Variants in ADCY1 observed in about 807,000 individuals in gnomAD.
The protein encoded by ADCY1 is adenylate cyclase type 1.
In ADCY1, 28 loss-of-function variants were observed where a neutral mutation model predicts 105.4. That is an observed-to-expected ratio of 0.27 (90% CI 0.20 to 0.36). ADCY1 has a LOEUF of 0.36. Ranked by LOEUF, ADCY1 falls within the 10% of genes least tolerant of loss-of-function variation. The probability of loss-of-function intolerance (pLI) is 1.00; values close to 1 mark genes in which losing one functional copy is unlikely to be tolerated. For missense variants in ADCY1, 977 were observed against 1,434.2 expected, an observed-to-expected ratio of 0.68 and a Z score of 5.15; for synonymous variants, 655 against 623.8, an observed-to-expected ratio of 1.05 and a Z score of -0.75.
chr7:45,656,136 A>T (rs959406674), intron 5 of ADCY1, among the ~76,000 whole-genome samples: 49 of 151,680 alleles, frequency 3.2e-4, no homozygotes, highest in African/African-American at 4.6e-4. Flanking sequence ...AAATACAAAA[A>T]AAAAATAAAA....
chr7:45,629,917 C>A (rs1400409673), intron 4 of ADCY1, among the ~76,000 whole-genome samples: 1 of 152,242 alleles, frequency 6.6e-6, no homozygotes, highest in Non-Finnish European at 1.5e-5. Context: ...TGCTCCGCAT[C>A]CTCATCAGCA....
At chr7:45,583,764 C>T (rs1478817564) in intron 1 of ADCY1, among the ~76,000 whole-genome samples, 3 of 152,042 alleles carry the variant, frequency 2.0e-5, no homozygotes, top group African/African-American at 7.2e-5. Context: ...CCTCAGCCTC[C>T]TGAGTAGCTG....
chr7:45,585,444 T>C (rs980247063), intron 1 of ADCY1, among the ~76,000 whole-genome samples: 10 of 149,574 alleles, frequency 6.7e-5, no homozygotes, highest in Non-Finnish European at 8.9e-5. Flanking sequence ...TACATCTTTT[T>C]TTTTTTTTTT....
chr7:45,667,846 A>G (rs982469594), intron 8 of ADCY1, among the ~76,000 whole-genome samples: 59 of 152,300 alleles, frequency 3.9e-4, no homozygotes, highest in Non-Finnish European at 6.8e-4. Flanking sequence ...GGTCCTTCAC[A>G]TCCCTTGTAA....
At chr7:45,645,890 G>T (rs975350043) in intron 4 of ADCY1, among the ~76,000 whole-genome samples, 2 of 151,948 alleles carry the variant, frequency 1.3e-5, no homozygotes, top group African/African-American at 4.8e-5. Flanking sequence ...GGCTCCCAGA[G>T]GGGTCTTGAG....
chr7:45,658,644 A>G (rs1389163866), intron 6 of ADCY1, among the ~76,000 whole-genome samples: 1 of 152,206 alleles, frequency 6.6e-6, no homozygotes. Context: ...GTTGGCTCCC[A>G]AGGCCGGGCT....
Position 45,574,396 on chromosome 7 carries a change from G to GCCGGCGCCCCAACTCCGCCCGC in ADCY1, c.-145_-124dup, listed in dbSNP as rs1792248395. On this transcript the variant is annotated 5_prime_UTR_variant, in exon 1 of 20. Transcript: ENST00000297323. This position sits in a 1 kb window ranked among gnomAD's most constrained non-coding sequence, Gnocchi z 7.0. ...GCGCTCCGGGCGCGCGCGCGGGGCA[G>GCCGGCGCCCCAACTCCGCCCGC]CCGGCGCCCCAACTCCGCCCGCCCC... 2.1e-5 allele frequency: 3 copies of GCCGGCGCCCCAACTCCGCCCGC among 141,894 alleles called. No homozygotes were observed. The highest frequency in any genetic ancestry group is 1.4e-4 in the Admixed American group (2 of 14,320). The allele number at this position is 141,894 out of a possible 1,614,324, so 8.8% of individuals were successfully genotyped here.
chr7:45,666,092 A>G (rs761284398), intron 8 of ADCY1, among the ~76,000 whole-genome samples: 3 of 152,100 alleles, frequency 2.0e-5, no homozygotes, highest in Non-Finnish European at 4.4e-5. Context: ...AGCATGGTTT[A>G]AAAAATCACC....
intron 3 of ADCY1, among the ~76,000 whole-genome samples, chr7:45,622,039 TGATAAATA>T (rs748426713): frequency 2.1e-4 from 32 of 152,176 alleles, no homozygotes; most frequent in Non-Finnish European, 3.4e-4. Context: ...CCCAGTGCTG[TGATAAATA>T]GACACTCAGT....
chr7:45,684,138 G>GT (rs1784619599), intron 11 of ADCY1, among the ~76,000 whole-genome samples: 1 of 152,252 alleles, frequency 6.6e-6, no homozygotes, highest in Non-Finnish European at 1.5e-5. Flanking sequence ...AGACCACTGG[G>GT]TTGGTGAAAT....
intron 4 of ADCY1, among the ~76,000 whole-genome samples, chr7:45,645,868 G>C (rs949964191): frequency 6.6e-5 from 10 of 152,134 alleles, no homozygotes; most frequent in African/African-American, 2.2e-4. Context: ...AGTGGGCATT[G>C]TGGCTCTTGT....
intron 8 of ADCY1, chr7:45,664,375 G>C: frequency 6.5e-7 from 1 of 1,536,034 alleles, no homozygotes; most frequent in Non-Finnish European, 8.7e-7. Flanking sequence ...TGTGCACGTA[G>C]CTTCAGGTCC....
intron 19 of ADCY1, among the ~76,000 whole-genome samples, chr7:45,712,181 TTAAA>T (rs943913165): frequency 2.8e-5 from 4 of 143,090 alleles, no homozygotes; most frequent in African/African-American, 1.0e-4. Context: ...ATAATTTTAT[TTAAA>T]TAATAAAATT....
At chr7:45,595,638 C>T (rs1019514159) in intron 2 of ADCY1, among the ~76,000 whole-genome samples, 1 of 152,176 alleles carries the variant, frequency 6.6e-6, no homozygotes, top group Non-Finnish European at 1.5e-5. Flanking sequence ...CCCACGTTTC[C>T]CCAGGTCTGT....
intron 3 of ADCY1, 92 bp from the exon 4 acceptor site, chr7:45,622,540 A>G: frequency 2.3e-6 from 2 of 887,708 alleles, no homozygotes; most frequent in Non-Finnish European, 1.9e-6. Flanking sequence ...TTGATTCTAC[A>G]GTGATTTGGA....
chr7:45,668,158 A>G (rs1784298788), intron 8 of ADCY1, among the ~76,000 whole-genome samples: 1 of 152,176 alleles, frequency 6.6e-6, no homozygotes, highest in African/African-American at 2.4e-5. Flanking sequence ...AGAACTTCCA[A>G]CACTATGTTG....
At position 45,717,811 on chromosome 7, in the gene ADCY1, G is replaced by C. The variant is rs769283805; in HGVS notation, c.*3816G>C. 2 of 152,580 alleles carry C rather than the reference G, an allele frequency of 1.3e-5. No individual in the cohort carries two copies. The highest frequency in any genetic ancestry group is 2.9e-5 in the Non-Finnish European group (2 of 68,090). The allele number at this position is 152,580 out of a possible 1,614,324, so 9.5% of individuals were successfully genotyped here. On this transcript the variant is annotated 3_prime_UTR_variant, in exon 20 of 20. Transcript: ENST00000297323. ...CGCCCCTACAGACCCAGCAACCCAA[G>C]TTGCCAGCCCGTGTTTCTCAGACTT...
intron 8 of ADCY1, among the ~76,000 whole-genome samples, chr7:45,668,880 T>C (rs565154360): frequency 6.0e-4 from 91 of 152,360 alleles, no homozygotes; most frequent in African/African-American, 2.1e-3. Flanking sequence ...TGTCTAGGAA[T>C]TTATCCATTT....
At chr7:45,618,041 A>G (rs969531034) in intron 3 of ADCY1, among the ~76,000 whole-genome samples, 33 of 152,242 alleles carry the variant, frequency 2.2e-4, no homozygotes, top group African/African-American at 7.5e-4. Context: ...CATATAGACC[A>G]ATAGAACAGA....
Sources: gnomAD v4.1 joint callset for allele counts (sites outside exome capture counted in the v4.1 genomes callset) on GRCh38, gnomAD v4.1.1 for gene constraint, Gnocchi (gnomAD v3.1) non-coding constraint, MANE v1.5 for transcripts, NCBI Gene and HGNC (gene_info 2026-07-23, HGNC 2026-07-21) for gene names.